The following KCNJ12 variants were observed in gnomAD, a reference collection of about 807,000 sequenced individuals.
KCNJ12 encodes ATP-sensitive inward rectifier potassium channel 12.
In KCNJ12, 2 loss-of-function variants were observed where a neutral mutation model predicts 22.3. That is an observed-to-expected ratio of 0.09 (90% CI 0.04 to 0.28). The LOEUF is 0.28. KCNJ12 is among the 10% of genes least tolerant of loss of function. KCNJ12 has a pLI of 1.00. For synonymous variants in KCNJ12, 117 were observed against 261.4 expected, an observed-to-expected ratio of 0.45 and a Z score of 5.33; for missense variants, 155 against 633.3, an observed-to-expected ratio of 0.24 and a Z score of 8.11.
chr17:21,412,758 G>T (rs1219028171), intron 2 of KCNJ12, among the ~76,000 whole-genome samples: 479 of 151,094 alleles, frequency 3.2e-3, no homozygotes, highest in African/African-American at 0.011. Context: ...GGGGAGGACG[G>T]CAGAGTAAGG....
At chr17:21,398,529 C>T (rs4985854) in intron 1 of KCNJ12, among the ~76,000 whole-genome samples, 63,983 of 152,080 alleles carry the variant, frequency 0.42, 16,334 homozygotes, top group Non-Finnish European at 0.56. Context: ...AACTCTGAGG[C>T]GTGTTCTATG....
intron 2 of KCNJ12, among the ~76,000 whole-genome samples, chr17:21,414,052 C>G (rs1597583055): frequency 1.3e-5 from 2 of 152,310 alleles, no homozygotes; most frequent in Non-Finnish European, 2.9e-5. Flanking sequence ...CAAGAAGCTG[C>G]AAGCATGGCA....
At chr17:21,400,142 C>A (rs1567700731) in intron 1 of KCNJ12, among the ~76,000 whole-genome samples, 2 of 152,240 alleles carry the variant, frequency 1.3e-5, no homozygotes, top group South Asian at 4.1e-4. Flanking sequence ...GCAGCCAGTG[C>A]TTCCAGACCC....
chr17:21,407,640 C>A (rs1188558224), intron 1 of KCNJ12, among the ~76,000 whole-genome samples: 7 of 151,706 alleles, frequency 4.6e-5, no homozygotes, highest in Non-Finnish European at 7.4e-5. Flanking sequence ...TCCATTCATT[C>A]ATCTACCCAT....
At chr17:21,412,591 G>C (rs1180572885) in intron 2 of KCNJ12, among the ~76,000 whole-genome samples, 1 of 152,298 alleles carries the variant, frequency 6.6e-6, no homozygotes. Context: ...GAGGGTCCAG[G>C]AATCTGGGGC....
In KCNJ12 at chr17:21,386,904, G is replaced by A. The variant is rs182540738; in HGVS notation, c.-179+9991G>A. Among the ~76,000 whole-genome samples the A allele has an allele frequency of 4.6e-4, 70 of 152,316 alleles. 1 individual carries two copies. The East Asian group carries it at 7.3e-3, about 16-fold the overall frequency. On this transcript the variant is annotated intron_variant, in intron 1 of 2. Coordinates refer to ENST00000583088, the MANE Select transcript of KCNJ12 (RefSeq NM_021012.5). ...ATATTTGCAAAGGCTCTTTTCATCT[G>A]AATAAAGTCATATTCACAGGTTCTG... is the stretch of plus-strand genomic sequence containing the variant.
rs1904659381 is a variant in KCNJ12 at position 21,376,586 on chromosome 17, CCCGAGA to C, written c.-505_-500del. 1 of 151,446 alleles carries C rather than the reference CCCGAGA, an allele frequency of 6.6e-6. No homozygotes were observed. The highest frequency in any genetic ancestry group is 2.1e-4 in the South Asian group (1 of 4,804). The allele number at this position is 151,446 out of a possible 1,614,324, so 9.4% of individuals were successfully genotyped here. Reference sequence around the variant, plus strand: ...GCGTAGGGGAGCGCGCCGGGCCCTGCCCGAGATCAGATAACAGCCGGCGGGGGAGGG... The same window carrying C: ...GCGTAGGGGAGCGCGCCGGGCCCTGCTCAGATAACAGCCGGCGGGGGAGGG... On this transcript the variant is annotated 5_prime_UTR_variant, in exon 1 of 3. Transcript: ENST00000583088. This position sits in a 1 kb window ranked among gnomAD's most constrained non-coding sequence, Gnocchi z 5.3.
Position 21,416,424 on chromosome 17 carries a change from A to G in KCNJ12, c.1082A>G (p.Asp361Gly). 1 of 1,614,088 alleles carries G rather than the reference A, an allele frequency of 6.2e-7. No homozygotes were observed. The highest frequency in any genetic ancestry group is 8.5e-7 in the Non-Finnish European group (1 of 1,180,062). The change falls in exon 3 of 3, where the codon GAT (aspartate) becomes GGT (glycine). Residue 361 changes from aspartate (D) to glycine (G), a missense_variant. Coordinates refer to ENST00000583088, the MANE Select transcript of KCNJ12 (RefSeq NM_021012.5). ...TCTACGCCCCGCTGCAGTGCGAAGG[A>G]TCTGGTAGAGAACAAGTTCCTGCTG... ...VPSTPRCSAK[D>G]LVENKFLLPS...
chr17:21,410,512 G>A (rs1457305634), intron 2 of KCNJ12, among the ~76,000 whole-genome samples: 2 of 152,302 alleles, frequency 1.3e-5, no homozygotes, highest in Non-Finnish European at 2.9e-5. Flanking sequence ...ATCTCTGAGG[G>A]GTCTTCCAAC....
At chr17:21,389,767 C>A (rs1190119406) in intron 1 of KCNJ12, among the ~76,000 whole-genome samples, 2 of 152,130 alleles carry the variant, frequency 1.3e-5, no homozygotes, top group East Asian at 3.9e-4. Context: ...GTGTTCAGCT[C>A]AGGGGAGCTC....
chr17:21,404,573 C>T (rs1375653164), intron 1 of KCNJ12, among the ~76,000 whole-genome samples: 3 of 152,246 alleles, frequency 2.0e-5, no homozygotes, highest in African/African-American at 7.2e-5. Flanking sequence ...GGTCACACAG[C>T]AAGTTGGGGC....
chr17:21,402,736 A>C (rs1335572961), intron 1 of KCNJ12, among the ~76,000 whole-genome samples: 4 of 152,300 alleles, frequency 2.6e-5, no homozygotes, highest in Non-Finnish European at 5.9e-5. Flanking sequence ...TACAGAGAGC[A>C]GACAGGTTAT....
At chr17:21,404,918 G>A (rs35489009) in intron 1 of KCNJ12, among the ~76,000 whole-genome samples, 1 of 152,298 alleles carries the variant, frequency 6.6e-6, no homozygotes, top group Non-Finnish European at 1.5e-5. Context: ...TGCCTTTTCT[G>A]GCCGCTTGGT....
At chr17:21,397,066 T>C (rs1182932403) in intron 1 of KCNJ12, among the ~76,000 whole-genome samples, 2 of 152,206 alleles carry the variant, frequency 1.3e-5, no homozygotes, top group Non-Finnish European at 1.5e-5. Flanking sequence ...GAGATCCTCA[T>C]AGGGATGCTT....
Position 21,415,229 on chromosome 17 carries a change from G to A in KCNJ12, c.-56-58G>A, listed in dbSNP as rs557207692. ...AGTCACGTCTGGGGGCCCTGGGATGGGGGTAGAGGAGCCCGGAGCCACCAG... is the reference window on the plus strand; with the variant it reads ...AGTCACGTCTGGGGGCCCTGGGATGAGGGTAGAGGAGCCCGGAGCCACCAG... On this transcript the variant is annotated intron_variant, in intron 2 of 2. Coordinates refer to ENST00000583088, the MANE Select transcript of KCNJ12 (RefSeq NM_021012.5). 2.7e-6 allele frequency: 4 copies of A among 1,494,506 alleles called. No individual in the cohort carries two copies. In the East Asian group the frequency reaches 7.4e-5, roughly 28 times the overall value. 92.6% of individuals were successfully genotyped at this position (1,494,506 alleles called of 1,614,324 possible).
chr17:21,385,267 A>C (rs1555558516), intron 1 of KCNJ12, among the ~76,000 whole-genome samples: 1 of 152,234 alleles, frequency 6.6e-6, no homozygotes, highest in African/African-American at 2.4e-5. Context: ...TATCTGTCTC[A>C]GTGTCTGTGG....
At chr17:21,384,012 C>T (rs936882741) in intron 1 of KCNJ12, among the ~76,000 whole-genome samples, 1 of 152,210 alleles carries the variant, frequency 6.6e-6, no homozygotes, top group Admixed American at 6.5e-5. Flanking sequence ...CTGCCTCCCC[C>T]ACCCCCAGAG....
At chr17:21,405,453 T>C (rs1405744035) in intron 1 of KCNJ12, 1 of 152,234 alleles carries the variant, frequency 6.6e-6, no homozygotes, top group East Asian at 1.9e-4. Flanking sequence ...CGAGGCCCAG[T>C]GCCCGGACTG....
intron 2 of KCNJ12, among the ~76,000 whole-genome samples, 174 bp from the exon 3 acceptor site, chr17:21,415,113 G>T (rs1254737010): frequency 6.6e-6 from 1 of 152,298 alleles, no homozygotes; most frequent in African/African-American, 2.4e-5. Flanking sequence ...CCCGAAGGGG[G>T]TGGCCATTCG....
Sources: gnomAD v4.1 joint callset for allele counts (sites outside exome capture counted in the v4.1 genomes callset) on GRCh38, gnomAD v4.1.1 for gene constraint, Gnocchi (gnomAD v3.1) non-coding constraint, MANE v1.5 for transcripts, NCBI Gene and HGNC (gene_info 2026-07-23, HGNC 2026-07-21) for gene names.